The following ABCG8 variants were observed in gnomAD, a reference collection of about 807,000 sequenced individuals.
The protein encoded by ABCG8 is ATP binding cassette subfamily G member 8.
Under a neutral mutation model 71.3 loss-of-function variants are expected in ABCG8, and 81 were observed. That is an observed-to-expected ratio of 1.14 (90% CI 0.95 to 1.37). The LOEUF (loss-of-function observed/expected upper bound fraction) is 1.37, where lower values mean the gene tolerates loss of function less well. Ranked by LOEUF, ABCG8 falls within the 40% of genes most tolerant of loss-of-function variation. ABCG8 has a pLI of 0.00. For synonymous variants in ABCG8, 451 were observed against 354.7 expected, an observed-to-expected ratio of 1.27 and a Z score of -3.05; for missense variants, 1,119 against 866.2, an observed-to-expected ratio of 1.29 and a Z score of -3.66.
intron 5 of ABCG8, 30 bp from the exon 6 acceptor site, chr2:43,852,569 A>T (rs1312239618): frequency 6.2e-7 from 1 of 1,613,564 alleles, no homozygotes; most frequent in South Asian, 1.1e-5. Flanking sequence ...AGCCCCACCG[A>T]CTCACCAGGC....
chr2:43,851,307 G>T (rs1347528624), intron 3 of ABCG8, among the ~76,000 whole-genome samples: 1 of 152,230 alleles, frequency 6.6e-6, no homozygotes, highest in African/African-American at 2.4e-5. Flanking sequence ...GCTTTCTCCT[G>T]TCAGGCCACC....
rs1670166051 is a variant in ABCG8 at position 43,882,676 on chromosome 2, A to G, written c.*4763A>G. ...CAGAGCAACATCCCCTGTCTTTATC[A>G]CATGAGCTCTGCCTGAGGCAGCTTC... On this transcript the variant is annotated 3_prime_UTR_variant, in exon 13 of 13. Coordinates refer to ENST00000272286, the MANE Select transcript of ABCG8 (RefSeq NM_022437.3). 1 of 152,238 alleles carries G rather than the reference A, an allele frequency of 6.6e-6. No individual in the cohort carries two copies. Among genetic ancestry groups the G allele is most frequent in the Admixed American group, 6.5e-5 (1 of 15,288 alleles). 9.4% of individuals were successfully genotyped at this position (152,238 alleles called of 1,614,324 possible).
chr2:43,863,572 G>C (rs1244417632), intron 6 of ABCG8, among the ~76,000 whole-genome samples: 2 of 150,460 alleles, frequency 1.3e-5, no homozygotes, highest in African/African-American at 4.9e-5. Flanking sequence ...CTATCTATCT[G>C]GATAGAATTC....
At chr2:43,859,994 C>T (rs1259643471) in intron 6 of ABCG8, among the ~76,000 whole-genome samples, 1 of 148,180 alleles carries the variant, frequency 6.7e-6, no homozygotes, top group Non-Finnish European at 1.5e-5. Flanking sequence ...GAATTCTCAC[C>T]CTCTGGACAG....
At chr2:43,859,981 A>G (rs1267379235) in intron 6 of ABCG8, among the ~76,000 whole-genome samples, 1 of 151,330 alleles carries the variant, frequency 6.6e-6, no homozygotes, top group Non-Finnish European at 1.5e-5. Context: ...ATCAATGTGG[A>G]TAGAATTCTC....
chr2:43,848,852 C>T (rs1273675323), intron 3 of ABCG8, among the ~76,000 whole-genome samples: 1 of 149,576 alleles, frequency 6.7e-6, no homozygotes, highest in African/African-American at 2.5e-5. Context: ...CCTGTCTCTA[C>T]TAAAAAAAAA....
chr2:43,864,698 G>A (rs1669458525), intron 6 of ABCG8, among the ~76,000 whole-genome samples: 1 of 150,492 alleles, frequency 6.6e-6, no homozygotes, highest in Non-Finnish European at 1.5e-5. Context: ...CTATCTATCT[G>A]GATAGAATTC....
chr2:43,839,859 C>T (rs967495985), intron 1 of ABCG8, among the ~76,000 whole-genome samples: 5 of 152,268 alleles, frequency 3.3e-5, no homozygotes, highest in Admixed American at 6.5e-5. Context: ...GGGTGACAGA[C>T]GGCTTTTGTG....
intron 6 of ABCG8, among the ~76,000 whole-genome samples, chr2:43,860,764 A>G (rs1477142636): frequency 6.6e-6 from 1 of 150,646 alleles, no homozygotes; most frequent in African/African-American, 2.4e-5. Flanking sequence ...TCTGGATAGA[A>G]CTCTCACTAT....
intron 6 of ABCG8, among the ~76,000 whole-genome samples, chr2:43,870,426 T>C (rs972328593): frequency 6.6e-6 from 1 of 152,190 alleles, no homozygotes; most frequent in East Asian, 1.9e-4. Context: ...ACTATCTATC[T>C]GGATAGAATT....
At chr2:43,859,077 T>C (rs1669213537) in intron 6 of ABCG8, among the ~76,000 whole-genome samples, 1 of 151,380 alleles carries the variant, frequency 6.6e-6, no homozygotes, top group South Asian at 2.1e-4. Flanking sequence ...TCTGTCTGGA[T>C]AGAACTGTCA....
intron 11 of ABCG8, 142 bp downstream of exon 11, chr2:43,875,555 T>G: frequency 2.8e-6 from 3 of 1,058,340 alleles, no homozygotes; most frequent in Non-Finnish European, 4.0e-6. Flanking sequence ...CTTTGCCCAC[T>G]GCCCTGGAGG....
intron 3 of ABCG8, among the ~76,000 whole-genome samples, chr2:43,850,844 A>T (rs372103340): frequency 6.6e-6 from 1 of 151,314 alleles, no homozygotes; most frequent in South Asian, 2.1e-4. Context: ...CGGGAGGCAG[A>T]GATTGCAGTG....
Position 43,874,466 on chromosome 2 carries a change from C to G in ABCG8, c.1471C>G (p.Pro491Ala). Residue 491 changes from proline (P) to alanine (A), a missense_variant, in exon 10 of 13, where the codon CCA becomes GCA. By Grantham distance (27) the Pro-to-Ala change is conservative. Transcript: ENST00000272286. Reference sequence around the variant, plus strand: ...GGAAGACGGGCTGTACACCACTGGTCCATATTTCTTTGCCAAGGTGACTGG... The same window carrying G: ...GGAAGACGGGCTGTACACCACTGGTGCATATTTCTTTGCCAAGGTGACTGG... Reference protein sequence around the residue: ...ELEDGLYTTGPYFFAKILGEL... With the variant: ...ELEDGLYTTGAYFFAKILGEL... 6.2e-7 allele frequency: 1 copy of G among 1,613,708 alleles called. No homozygotes were observed. The highest frequency in any genetic ancestry group is 8.5e-7 in the Non-Finnish European group (1 of 1,179,806).
At chr2:43,866,363 A>G (rs1318612969) in intron 6 of ABCG8, among the ~76,000 whole-genome samples, 2 of 152,114 alleles carry the variant, frequency 1.3e-5, no homozygotes, top group African/African-American at 2.4e-5. Context: ...ATTAAACTAA[A>G]GAGCTTCTGC....
intron 1 of ABCG8, among the ~76,000 whole-genome samples, chr2:43,842,338 T>C (rs1270456823): frequency 6.6e-6 from 1 of 152,126 alleles, no homozygotes; most frequent in Admixed American, 6.5e-5. Context: ...TTTTTGATGA[T>C]TCAACAACAA....
At chr2:43,875,039 C>T (rs1669911480) in intron 10 of ABCG8, 107 bp from the exon 11 acceptor site, 6 of 1,499,800 alleles carry the variant, frequency 4.0e-6, no homozygotes, top group Non-Finnish European at 5.5e-6. Context: ...GCCTCATCAT[C>T]ACCAGGAGGG....
chr2:43,871,823 T>A (rs1030865728), intron 6 of ABCG8, among the ~76,000 whole-genome samples, 153 bp from the exon 7 acceptor site: 2 of 152,174 alleles, frequency 1.3e-5, no homozygotes, highest in African/African-American at 4.8e-5. Flanking sequence ...CTCTCTCTGC[T>A]CTGCCCCTTG....
rs767260769 is a variant in ABCG8, at chr2:43,851,733, C to G, written c.472C>G (p.Leu158Val). 3 of 1,614,262 alleles carry G rather than the reference C, an allele frequency of 1.9e-6. No individual in the cohort carries two copies. The highest frequency in any genetic ancestry group is 2.5e-6 in the Non-Finnish European group (3 of 1,180,054). ...CCACGTGCGCCAGCACAACCAGCTG[C>G]TCCCCAACTTGACTGTGCGAGAGAC... is the stretch of plus-strand genomic sequence containing the variant. ...VAHVRQHNQL[L>V]PNLTVRETLA... The change falls in exon 4 of 13, where the codon CTC becomes GTC. Residue 158 changes from leucine (L) to valine (V), a missense_variant. Physicochemically the swap from Leu to Val is conservative, Grantham distance 32. Coordinates refer to ENST00000272286, the MANE Select transcript of ABCG8 (RefSeq NM_022437.3).
Sources: allele counts gnomAD v4.1 joint callset (sites outside exome capture counted in the v4.1 genomes callset), GRCh38; gene constraint gnomAD v4.1.1; transcripts MANE v1.5; gene names NCBI Gene and HGNC (gene_info 2026-07-23, HGNC 2026-07-21).